Variants in DPP6 observed in about 807,000 individuals in gnomAD.
The protein encoded by DPP6 is dipeptidyl peptidase like 6.
DPP6 carries 69 observed loss-of-function variants against 122.6 expected under a neutral mutation model. The observed-to-expected ratio is 0.56, with a 90% CI of 0.46 to 0.69. The LOEUF (loss-of-function observed/expected upper bound fraction) is 0.69. DPP6 is among the 30% of genes least tolerant of loss of function. The probability of loss-of-function intolerance (pLI) is 0.00; values close to 1 mark genes in which losing one functional copy is unlikely to be tolerated. For missense variants in DPP6, 928 were observed against 1,116.9 expected (o/e 0.83, Z 2.41); for synonymous variants, 418 against 433.1 (o/e 0.97, Z 0.43).
At chr7:153,942,893 G>C (rs1240291901) in intron 1 of DPP6, among the ~76,000 whole-genome samples, 1 of 152,184 alleles carries the variant, frequency 6.6e-6, no homozygotes, top group East Asian at 1.9e-4. Context: ...GTGTGGTGCT[G>C]ACTGTTGAAT....
intron 1 of DPP6, among the ~76,000 whole-genome samples, chr7:154,396,996 G>C (rs1241124255): frequency 6.6e-6 from 1 of 151,872 alleles, no homozygotes; most frequent in Non-Finnish European, 1.5e-5. Flanking sequence ...TATAATAAAT[G>C]ATGAAATCTA....
chr7:154,705,342 C>T (rs1840769229), intron 7 of DPP6, among the ~76,000 whole-genome samples: 2 of 152,342 alleles, frequency 1.3e-5, no homozygotes, highest in Admixed American at 6.5e-5. Flanking sequence ...ATCCTTATCT[C>T]CTGCTATTTT....
chr7:154,067,934 G>GT (rs1307747184), intron 1 of DPP6, among the ~76,000 whole-genome samples: 8 of 132,714 alleles, frequency 6.0e-5, no homozygotes, highest in Admixed American at 2.8e-4. Context: ...TTGTTTGTTT[G>GT]TTTTTTTGAT....
intron 1 of DPP6, among the ~76,000 whole-genome samples, chr7:154,221,246 T>C (rs1017010051): frequency 1.1e-4 from 16 of 152,106 alleles, no homozygotes; most frequent in Non-Finnish European, 2.2e-4. Context: ...GTTCAAGCAA[T>C]TCTCCTGCCT....
At chr7:154,082,688 A>G (rs1356276786) in intron 1 of DPP6, among the ~76,000 whole-genome samples, 1 of 151,870 alleles carries the variant, frequency 6.6e-6, no homozygotes, top group Non-Finnish European at 1.5e-5. Flanking sequence ...ATAATGGCTC[A>G]GTTTGCATTT....
intron 1 of DPP6, among the ~76,000 whole-genome samples, chr7:153,943,995 C>A (rs1801819103): frequency 6.6e-6 from 1 of 152,180 alleles, no homozygotes; most frequent in South Asian, 2.1e-4. Flanking sequence ...ATAGCTGCTC[C>A]ACGGTTTCCC....
At chr7:154,368,150 T>C (rs1011257897) in intron 1 of DPP6, among the ~76,000 whole-genome samples, 1 of 152,172 alleles carries the variant, frequency 6.6e-6, no homozygotes, top group Non-Finnish European at 1.5e-5. Flanking sequence ...CTGAAAGCTA[T>C]TGGATAATGG....
the DPP6 span, among the ~76,000 whole-genome samples, chr7:153,758,288 AAAG>A: frequency 2.9e-3 from 445 of 152,090 alleles, 1 homozygote; most frequent in Middle Eastern, 0.02. Context: ...AAGCAGGACA[AAAG>A]AAGATTATTA....
At chr7:154,388,663 C>T (rs1195332417) in intron 1 of DPP6, among the ~76,000 whole-genome samples, 2 of 152,090 alleles carry the variant, frequency 1.3e-5, no homozygotes, top group Non-Finnish European at 2.9e-5. Context: ...TGGCTTATGT[C>T]TAACAGGAGC....
chr7:153,924,521 C>T (rs1039727015), intron 1 of DPP6, among the ~76,000 whole-genome samples: 1 of 152,202 alleles, frequency 6.6e-6, no homozygotes, highest in Non-Finnish European at 1.5e-5. Flanking sequence ...CCAGCCTTCC[C>T]ACCTTCTGGG....
the DPP6 span, among the ~76,000 whole-genome samples, chr7:153,861,897 A>T: frequency 1.3e-5 from 2 of 152,224 alleles, no homozygotes; most frequent in Non-Finnish European, 2.9e-5. Context: ...TTTGGGGGGA[A>T]AAAGCTGAGA....
chr7:153,882,334 G>T (rs1482981561), upstream of DPP6, among the ~76,000 whole-genome samples: 2 of 151,906 alleles, frequency 1.3e-5, no homozygotes, highest in African/African-American at 4.9e-5. Context: ...AATAGTTTTA[G>T]TCTCTTTTCT....
intron 10 of DPP6, among the ~76,000 whole-genome samples, chr7:154,780,122 A>G (rs1416669164): frequency 6.6e-6 from 1 of 152,202 alleles, no homozygotes. Context: ...TGCTTTCAGA[A>G]TCAGACCAGG....
At chr7:154,208,701 C>T (rs1015835770) in intron 1 of DPP6, among the ~76,000 whole-genome samples, 4 of 151,908 alleles carry the variant, frequency 2.6e-5, no homozygotes, top group African/African-American at 9.7e-5. Flanking sequence ...AGGTGATGCT[C>T]CAGATAGCAC....
At chr7:154,092,643 C>T (rs1001403812) in intron 1 of DPP6, 2 of 152,142 alleles carry the variant, frequency 1.3e-5, no homozygotes, top group Non-Finnish European at 2.9e-5. Flanking sequence ...CACGTGATAT[C>T]AGTGTGTCCT....
At chr7:154,070,898 C>T (rs1448149488) in intron 1 of DPP6, among the ~76,000 whole-genome samples, 1 of 152,072 alleles carries the variant, frequency 6.6e-6, no homozygotes, top group Admixed American at 6.6e-5. Context: ...TTTCATATTG[C>T]CTTTAATCCA....
chr7:154,012,570 C>T (rs572379468), intron 1 of DPP6, among the ~76,000 whole-genome samples: 3 of 152,210 alleles, frequency 2.0e-5, no homozygotes, highest in Non-Finnish European at 4.4e-5. Context: ...GAATATCTGA[C>T]AAGAGACTTG....
intron 5 of DPP6, among the ~76,000 whole-genome samples, chr7:154,631,985 G>A (rs1835437056): frequency 6.6e-6 from 1 of 152,190 alleles, no homozygotes. Flanking sequence ...GCCACAATAG[G>A]CTCTGAGACT....
chr7:154,314,839 A>C (rs1249124670), intron 1 of DPP6, among the ~76,000 whole-genome samples: 1 of 152,210 alleles, frequency 6.6e-6, no homozygotes, highest in Non-Finnish European at 1.5e-5. Context: ...GTTAACTGGC[A>C]GCTGCAAAGG....
Sources: allele counts gnomAD v4.1 joint callset (sites outside exome capture counted in the v4.1 genomes callset), GRCh38; gene constraint gnomAD v4.1.1; transcripts MANE v1.5; gene names NCBI Gene and HGNC (gene_info 2026-07-23, HGNC 2026-07-21).